The following AFAP1L2 variants were observed in gnomAD, a reference collection of about 807,000 sequenced individuals.
AFAP1L2 encodes the protein actin filament associated protein 1 like 2.
In AFAP1L2, 46 loss-of-function variants were observed where a neutral mutation model predicts 99.3. The ratio of observed to expected loss-of-function variants is 0.46; its 90% CI spans 0.37 to 0.59. The LOEUF (loss-of-function observed/expected upper bound fraction) is 0.59, where lower values mean the gene tolerates loss of function less well. Among genes scored for constraint, AFAP1L2 ranks in the 20% least tolerant of loss-of-function variants. The pLI is 0.00. For missense variants in AFAP1L2, 959 were observed against 1,034.9 expected (o/e 0.93, Z 1.01); for synonymous variants, 397 against 419.1 (o/e 0.95, Z 0.64).
At chr10:114,292,508 T>C (rs2039694844), downstream of AFAP1L2, among the ~76,000 whole-genome samples, 1 of 151,462 alleles carries the variant, frequency 6.6e-6, no homozygotes, top group Non-Finnish European at 1.5e-5. Context: ...TTTCAAGAAA[T>C]GTTGGTTATT....
At chr10:114,367,135 C>T (rs1252500159) in intron 1 of AFAP1L2, among the ~76,000 whole-genome samples, 2 of 152,282 alleles carry the variant, frequency 1.3e-5, no homozygotes, top group East Asian at 1.9e-4. Context: ...GCTAACACAT[C>T]GCTTACTGGC....
chr10:114,360,547 A>AGAT lies in AFAP1L2; in HGVS notation c.17-19819_17-19817dup, dbSNP rs1554937914. Among the ~76,000 whole-genome samples the AGAT allele has an allele frequency of 2.6e-3, 389 of 151,986 alleles. 4 individuals carry two copies. The highest frequency in any genetic ancestry group is 9.1e-3 in the African/African-American group (376 of 41,332). ...TAGATAGATAGATAGATAGATAGATAGATAGATAGATAGATAGACGGACAG... is the reference window on the plus strand; with the variant it reads ...TAGATAGATAGATAGATAGATAGATAGATGATAGATAGATAGATAGACGGACAG... On this transcript the variant is annotated intron_variant, in intron 1 of 18. Transcript: ENST00000304129.
the AFAP1L2 span, chr10:114,285,810 C>T: frequency 1.9e-6 from 2 of 1,050,794 alleles, no homozygotes; most frequent in Non-Finnish European, 2.7e-6. Context: ...GCACGGGTCA[C>T]TTAAGCTTGG....
At chr10:114,310,553 AG>A in intron 7 of AFAP1L2, 110 bp from the exon 8 acceptor site, 1 of 955,086 alleles carries the variant, frequency 1.0e-6, no homozygotes, top group Non-Finnish European at 1.6e-6. Context: ...TGGAGGTGAG[AG>A]AGAAGATGAA....
intron 1 of AFAP1L2, among the ~76,000 whole-genome samples, chr10:114,353,171 G>A (rs548642437): frequency 6.6e-6 from 1 of 152,312 alleles, no homozygotes; most frequent in South Asian, 2.1e-4. Flanking sequence ...GAACTACTAG[G>A]AAGTGGGCTT....
chr10:114,339,626 T>C (rs2048493336), intron 2 of AFAP1L2, among the ~76,000 whole-genome samples: 2 of 152,160 alleles, frequency 1.3e-5, no homozygotes, highest in East Asian at 1.9e-4. Context: ...TGGAATATGA[T>C]TGCATTTGGA....
intron 1 of AFAP1L2, among the ~76,000 whole-genome samples, chr10:114,360,509 T>TTAGATAGA (rs57811868): frequency 2.3e-3 from 242 of 107,410 alleles, no homozygotes; most frequent in African/African-American, 8.2e-3. Flanking sequence ...AGATAGATAG[T>TTAGATAGA]TAGATAGATA....
At chr10:114,383,548 T>G (rs2056022533) in intron 1 of AFAP1L2, among the ~76,000 whole-genome samples, 1 of 152,218 alleles carries the variant, frequency 6.6e-6, no homozygotes, top group African/African-American at 2.4e-5. Flanking sequence ...ATATGCATAT[T>G]TTATAATAAG....
chr10:114,341,619 AAAAAG>A (rs995386179), intron 1 of AFAP1L2, among the ~76,000 whole-genome samples: 43 of 150,952 alleles, frequency 2.8e-4, no homozygotes, highest in African/African-American at 7.5e-4. Context: ...CTCAAAAAAA[AAAAAG>A]AAAAGAAAAG....
chr10:114,289,259 G>A, the AFAP1L2 span: 1 of 1,614,050 alleles, frequency 6.2e-7, no homozygotes, highest in African/African-American at 1.3e-5. Context: ...GCCCGGCCTG[G>A]TGTCCCCAAA....
intron 4 of AFAP1L2, among the ~76,000 whole-genome samples, chr10:114,331,428 T>C (rs2047212848): frequency 6.6e-6 from 1 of 152,298 alleles, no homozygotes; most frequent in East Asian, 1.9e-4. Flanking sequence ...CCTGAGTAGC[T>C]GGGAATACAG....
At chr10:114,365,522 A>G (rs557971544) in intron 1 of AFAP1L2, among the ~76,000 whole-genome samples, 1 of 152,286 alleles carries the variant, frequency 6.6e-6, no homozygotes, top group South Asian at 2.1e-4. Context: ...GTTGAGAAAG[A>G]TAATCTTTAT....
intron 5 of AFAP1L2, among the ~76,000 whole-genome samples, chr10:114,320,157 A>C (rs1378926468): frequency 1.3e-5 from 2 of 152,186 alleles, no homozygotes; most frequent in Non-Finnish European, 2.9e-5. Context: ...GCAGTACCCC[A>C]GGGTGAGACA....
intron 1 of AFAP1L2, among the ~76,000 whole-genome samples, chr10:114,344,438 CA>C (rs200959883): frequency 1.3e-4 from 19 of 151,184 alleles, no homozygotes; most frequent in Middle Eastern, 3.4e-3. Context: ...GCTGCCACTT[CA>C]AAAAAAAACC....
At chr10:114,397,952 G>C (rs1370426818) in intron 1 of AFAP1L2, among the ~76,000 whole-genome samples, 5 of 152,106 alleles carry the variant, frequency 3.3e-5, no homozygotes, top group African/African-American at 1.2e-4. Context: ...ATTTCTACTG[G>C]CATGGGTGCC....
intron 1 of AFAP1L2, among the ~76,000 whole-genome samples, chr10:114,360,547 A>AGATAGATAGATAGATAGAT (rs2052214658): frequency 6.6e-6 from 1 of 151,874 alleles, no homozygotes; most frequent in African/African-American, 2.4e-5. Flanking sequence ...ATAGATAGAT[A>AGATAGATAGATAGATAGAT]GATAGATAGA....
intron 4 of AFAP1L2, among the ~76,000 whole-genome samples, chr10:114,330,160 C>T (rs922321538): frequency 1.2e-4 from 19 of 152,184 alleles, no homozygotes; most frequent in Admixed American, 1.2e-3. Context: ...GAACTGCCCA[C>T]CCACCCCACA....
chr10:114,310,671 C>T (rs1325413519), intron 7 of AFAP1L2, among the ~76,000 whole-genome samples: 7 of 152,210 alleles, frequency 4.6e-5, no homozygotes, highest in Non-Finnish European at 7.3e-5. Flanking sequence ...AGCTCCTTTC[C>T]GCAGGTCCCA....
chr10:114,298,334 C>T (rs549451143), intron 16 of AFAP1L2, among the ~76,000 whole-genome samples: 3 of 152,246 alleles, frequency 2.0e-5, no homozygotes, highest in South Asian at 2.1e-4. Context: ...CCCAAGATCA[C>T]GCCACTGCAC....
Sources: gnomAD v4.1 joint callset for allele counts (sites outside exome capture counted in the v4.1 genomes callset) on GRCh38, gnomAD v4.1.1 for gene constraint, MANE v1.5 for transcripts, NCBI Gene and HGNC (gene_info 2026-07-23, HGNC 2026-07-21) for gene names.